DRGX: variants seen among roughly 807,000 people sequenced by gnomAD.
DRGX encodes the protein dorsal root ganglia homeobox protein.
DRGX carries 21 observed loss-of-function variants against 28.6 expected under a neutral mutation model. The observed-to-expected ratio is 0.73, with a 90% CI of 0.52 to 1.06. The LOEUF (loss-of-function observed/expected upper bound fraction) is 1.06, where lower values mean the gene tolerates loss of function less well. DRGX is among the 50% of genes least tolerant of loss of function. The pLI is 0.00. For missense variants in DRGX, 354 were observed against 343.9 expected, an observed-to-expected ratio of 1.03 and a Z score of -0.23; for synonymous variants, 136 against 139.1, an observed-to-expected ratio of 0.98 and a Z score of 0.16.
intron 1 of DRGX, 58 bp from the exon 2 acceptor site, chr10:49,395,579 C>T: frequency 9.7e-7 from 1 of 1,027,448 alleles, no homozygotes; most frequent in Admixed American, 2.1e-5. Flanking sequence ...TCCCGCCCAG[C>T]CCTAGGGCGC....
intron 2 of DRGX, chr10:49,391,871 G>C: frequency 1.9e-6 from 1 of 521,478 alleles, no homozygotes; most frequent in Non-Finnish European, 3.9e-6. Flanking sequence ...TAGTGGATCT[G>C]TTATATAGAT....
chr10:49,375,686 GAC>G (rs1849709187), intron 6 of DRGX, among the ~76,000 whole-genome samples: 1 of 152,166 alleles, frequency 6.6e-6, no homozygotes. Context: ...CTTGTGCTGT[GAC>G]ACAGTCTCAG....
chr10:49,378,377 G>A (rs930599799), intron 6 of DRGX, among the ~76,000 whole-genome samples: 11 of 152,182 alleles, frequency 7.2e-5, no homozygotes, highest in Admixed American at 1.3e-4. Context: ...TCCACAGTCT[G>A]CAGAGACAGA....
chr10:49,379,241 C>T (rs1289978858), intron 6 of DRGX, among the ~76,000 whole-genome samples: 1 of 152,134 alleles, frequency 6.6e-6, no homozygotes, highest in Non-Finnish European at 1.5e-5. Context: ...GTCAGCAGAG[C>T]GGTGTCTTTT....
rs371956315 is a variant in DRGX at position 49,391,179 on chromosome 10, C to T, written c.117G>A (p.Thr39=). 43 of 1,613,336 alleles carry T rather than the reference C, an allele frequency of 2.7e-5. No homozygotes were observed. The highest frequency in any genetic ancestry group is 3.3e-5 in the Admixed American group (2 of 59,976). ...ACGTTGGTACCTGCTGAAGAGTGAA[C>T]GTCGTCCGGTTCCGGCGCTGTTTTC... ...LRRKQRRNRT[T]FTLQQLEALE... The change falls in exon 3 of 7, where the codon ACG becomes ACA. Residue 39 remains threonine (T), a synonymous_variant. Coordinates refer to ENST00000374139, the MANE Select transcript of DRGX (RefSeq NM_001276451.2).
intron 4 of DRGX, among the ~76,000 whole-genome samples, chr10:49,388,853 A>T (rs1314173892): frequency 6.6e-6 from 1 of 152,196 alleles, no homozygotes; most frequent in Non-Finnish European, 1.5e-5. Flanking sequence ...ACGTCCCCAC[A>T]TGGAGGCTCA....
chr10:49,394,442 A>G (rs1428321334), intron 2 of DRGX, among the ~76,000 whole-genome samples: 1 of 152,104 alleles, frequency 6.6e-6, no homozygotes, highest in East Asian at 1.9e-4. Flanking sequence ...CCACCACAAT[A>G]ATAAATCAAA....
intron 6 of DRGX, among the ~76,000 whole-genome samples, chr10:49,371,765 C>G (rs1232070563): frequency 2.3e-5 from 3 of 131,522 alleles, no homozygotes; most frequent in African/African-American, 3.1e-5. Flanking sequence ...GCACTCCAGC[C>G]TGGACAACAG....
At position 49,366,180 on chromosome 10, in the gene DRGX, G is replaced by A; in HGVS notation, c.728C>T (p.Pro243Leu). The part of the protein sequence containing the change: ...SPGPVAKPAP[P>L]DGSQEKTSPT... ...AGAGGTCTTTTCCTGGCTGCCATCT[G>A]GGGGCGCCGGCTTGGCGACAGGGCC... Residue 243 changes from proline to leucine, a missense_variant, in exon 7 of 7, where the codon CCA becomes CTA. Transcript: ENST00000374139. The A allele has an allele frequency of 6.2e-7, 1 of 1,612,688 alleles. No individual in the cohort carries two copies. Among genetic ancestry groups the A allele is most frequent in the Non-Finnish European group, 8.5e-7 (1 of 1,179,202 alleles).
rs561379157 is a variant in DRGX, at chr10:49,395,948, G to A, written c.-95C>T. 1.4e-3 allele frequency: 217 copies of A among 154,942 alleles called. No homozygotes were observed. Among genetic ancestry groups the A allele is most frequent in the Non-Finnish European group, 2.4e-3 (170 of 69,950 alleles). The allele number at this position is 154,942 out of a possible 1,614,324, so 9.6% of individuals were successfully genotyped here. ...AGCCGAGCATACCTCGGCGGGCGGC[G>A]GTCGAGGAGGTCGGAGCGTGACCGC... On this transcript the variant is annotated 5_prime_UTR_variant, in exon 1 of 7. Transcript: ENST00000374139.
rs777361777 is a variant in DRGX at position 49,391,192 on chromosome 10, C to T, written c.104G>A (p.Arg35Gln). ...CTGAAGAGTGAACGTCGTCCGGTTC[C>T]GGCGCTGTTTTCTACGCAGAAACCC... is the stretch of plus-strand genomic sequence containing the variant. ...DDGFLRRKQRRNRTTFTLQQL... is the reference protein window; with the variant it reads ...DDGFLRRKQRQNRTTFTLQQL... Residue 35 changes from arginine (R) to glutamine (Q), a missense_variant, in exon 3 of 7, where the codon CGG (arginine) becomes CAG (glutamine). Transcript: ENST00000374139. 6.2e-6 allele frequency: 10 copies of T among 1,613,028 alleles called. No homozygotes were observed. The highest frequency in any genetic ancestry group is 1.1e-5 in the South Asian group (1 of 90,762).
chr10:49,380,683 G>C (rs965283721), intron 6 of DRGX, among the ~76,000 whole-genome samples: 9 of 152,212 alleles, frequency 5.9e-5, no homozygotes, highest in Non-Finnish European at 1.2e-4. Context: ...TCCTACAAAG[G>C]ATATCTCATG....
chr10:49,372,828 A>T (rs1435054791), intron 6 of DRGX, among the ~76,000 whole-genome samples: 1 of 152,192 alleles, frequency 6.6e-6, no homozygotes, highest in East Asian at 1.9e-4. Context: ...TTTTTTCCTC[A>T]GTGAAATCTT....
At chr10:49,375,843 C>G (rs1849710610) in intron 6 of DRGX, among the ~76,000 whole-genome samples, 1 of 152,186 alleles carries the variant, frequency 6.6e-6, no homozygotes, top group African/African-American at 2.4e-5. Context: ...ACACAACCCT[C>G]CCTCCTTCCA....
chr10:49,369,459 C>T lies in DRGX; in HGVS notation c.527-3078G>A, dbSNP rs1849631748. 3.3e-5 allele frequency among the ~76,000 whole-genome samples: 5 copies of T among 152,136 alleles called. No homozygotes were observed. The South Asian group carries it at 1.0e-3, about 32-fold the overall frequency. Reference sequence around the variant, plus strand: ...TTCTGACACTCGCTCCAACAGGGGTCATTATGAAGACAGTATGCTAAGTGA... The same window carrying T: ...TTCTGACACTCGCTCCAACAGGGGTTATTATGAAGACAGTATGCTAAGTGA... On this transcript the variant is annotated intron_variant, in intron 6 of 6. Coordinates refer to ENST00000374139, the MANE Select transcript of DRGX (RefSeq NM_001276451.2).
At chr10:49,383,751 C>T (rs1849802568) in intron 6 of DRGX, among the ~76,000 whole-genome samples, 1 of 152,182 alleles carries the variant, frequency 6.6e-6, no homozygotes, top group South Asian at 2.1e-4. Context: ...TCTCTTTCCA[C>T]AAGGAGCAGT....
At chr10:49,393,831 T>C (rs918779139) in intron 2 of DRGX, among the ~76,000 whole-genome samples, 1 of 152,176 alleles carries the variant, frequency 6.6e-6, no homozygotes, top group African/African-American at 2.4e-5. Context: ...GGGAGCACAG[T>C]AAGCCAGCTG....
rs765162373 is a variant in DRGX at position 49,366,358 on chromosome 10, C to CG, written c.549dup (p.Val184ArgfsTer18). 6 of 1,611,298 alleles carry CG rather than the reference C, an allele frequency of 3.7e-6. No homozygotes were observed. Among genetic ancestry groups the CG allele is most frequent in the Non-Finnish European group, 4.2e-6 (5 of 1,178,052 alleles). Reference sequence around the variant, plus strand: ...AAGGAGAGTCCCATGGGGTCTGGGACGCAGCAAGAGCACAGTGGGCCCCCT... The same window carrying CG: ...AAGGAGAGTCCCATGGGGTCTGGGACGGCAGCAAGAGCACAGTGGGCCCCCT... On this transcript the variant is annotated frameshift_variant, in exon 7 of 7. Coordinates refer to ENST00000374139, the MANE Select transcript of DRGX (RefSeq NM_001276451.2). LOFTEE classifies it high-confidence loss of function.
At chr10:49,369,537 T>C (rs1240066393) in intron 6 of DRGX, among the ~76,000 whole-genome samples, 1 of 152,014 alleles carries the variant, frequency 6.6e-6, no homozygotes, top group East Asian at 1.9e-4. Context: ...TTCTGTGAGG[T>C]CCCCAGAGTA....
Sources: allele counts gnomAD v4.1 joint callset (sites outside exome capture counted in the v4.1 genomes callset), GRCh38; gene constraint gnomAD v4.1.1; transcripts MANE v1.5; gene names NCBI Gene and HGNC (gene_info 2026-07-23, HGNC 2026-07-21).